LRMDA: variants seen among roughly 807,000 people sequenced by gnomAD.
The protein encoded by LRMDA is leucine-rich melanocyte differentiation-associated protein.
A neutral mutation model predicts 29.8 loss-of-function variants in LRMDA; 18 were observed. The ratio of observed to expected loss-of-function variants is 0.60; its 90% CI spans 0.42 to 0.90. The LOEUF (loss-of-function observed/expected upper bound fraction) is 0.90. Ranked by LOEUF, LRMDA falls within the 40% of genes least tolerant of loss-of-function variation. The pLI is 0.00. For synonymous variants in LRMDA, 125 were observed against 109.4 expected (o/e 1.14, Z -0.89); for missense variants, 273 against 273.9 (o/e 1.00, Z 0.02).
At chr10:75,897,567 CTTAAGGA>C (rs1413076569) in intron 2 of LRMDA, among the ~76,000 whole-genome samples, 1 of 152,058 alleles carries the variant, frequency 6.6e-6, no homozygotes, top group Non-Finnish European at 1.5e-5. Flanking sequence ...TTTAAGGAAA[CTTAAGGA>C]TTATCTAATC....
At chr10:75,905,338 C>T (rs1845741278) in intron 2 of LRMDA, among the ~76,000 whole-genome samples, 1 of 150,324 alleles carries the variant, frequency 6.7e-6, no homozygotes, top group Non-Finnish European at 1.5e-5. Context: ...AAGATTCTCC[C>T]TAAATCAGAC....
At chr10:75,977,482 G>A (rs1467805406) in intron 2 of LRMDA, among the ~76,000 whole-genome samples, 2 of 152,298 alleles carry the variant, frequency 1.3e-5, no homozygotes, top group African/African-American at 2.4e-5. Flanking sequence ...TGAGGGGCAG[G>A]AGCAAAGATT....
intron 2 of LRMDA, among the ~76,000 whole-genome samples, chr10:75,462,272 C>T (rs145248127): frequency 7.9e-5 from 12 of 152,370 alleles, no homozygotes; most frequent in African/African-American, 2.4e-4. Flanking sequence ...TTCGAGCCCA[C>T]ATCTTTTAAG....
At chr10:75,692,584 T>C (rs1347591576) in intron 2 of LRMDA, among the ~76,000 whole-genome samples, 3 of 139,418 alleles carry the variant, frequency 2.2e-5, no homozygotes, top group African/African-American at 9.5e-5. Flanking sequence ...TGTGTGTGTG[T>C]GTGTGTGTGT....
chr10:75,930,354 G>C (rs1179071248), intron 2 of LRMDA, among the ~76,000 whole-genome samples: 1 of 152,126 alleles, frequency 6.6e-6, no homozygotes, highest in Non-Finnish European at 1.5e-5. Flanking sequence ...CGGTGTCTTA[G>C]TTGGAGATGA....
chr10:75,457,708 A>G (rs1354005401), intron 2 of LRMDA, among the ~76,000 whole-genome samples: 1 of 152,140 alleles, frequency 6.6e-6, no homozygotes, highest in Non-Finnish European at 1.5e-5. Context: ...GATATGTTTT[A>G]GTCCTCTTGC....
At chr10:76,347,078 A>G (rs899420797) in intron 6 of LRMDA, among the ~76,000 whole-genome samples, 1 of 152,220 alleles carries the variant, frequency 6.6e-6, no homozygotes, top group Non-Finnish European at 1.5e-5. Context: ...CTGCATCGAC[A>G]GAATTTAGTG....
intron 3 of LRMDA, among the ~76,000 whole-genome samples, chr10:76,043,577 A>G (rs1045381382): frequency 6.6e-6 from 1 of 151,992 alleles, no homozygotes; most frequent in East Asian, 1.9e-4. Flanking sequence ...TCACATGATC[A>G]TGTGACTCTA....
chr10:76,118,840 C>CT (rs962279433), intron 5 of LRMDA, among the ~76,000 whole-genome samples: 2,217 of 45,924 alleles, frequency 0.048, 72 homozygotes, highest in Middle Eastern at 0.11. Context: ...TGCAAATACA[C>CT]TTTTTTTTTT....
intron 6 of LRMDA, among the ~76,000 whole-genome samples, chr10:76,493,508 T>C (rs538508946): frequency 6.6e-6 from 1 of 152,242 alleles, no homozygotes; most frequent in South Asian, 2.1e-4. Flanking sequence ...CTTATTGAAT[T>C]GCCTTGGCAT....
At chr10:75,732,027 G>A (rs1842705538) in intron 2 of LRMDA, among the ~76,000 whole-genome samples, 1 of 152,168 alleles carries the variant, frequency 6.6e-6, no homozygotes, top group South Asian at 2.1e-4. Flanking sequence ...TTTGTTAAAT[G>A]AAATAATAGT....
chr10:76,295,667 C>G (rs1840402848), intron 5 of LRMDA, among the ~76,000 whole-genome samples: 1 of 152,172 alleles, frequency 6.6e-6, no homozygotes, highest in African/African-American at 2.4e-5. Flanking sequence ...CCAATAAGTG[C>G]TAAAAGGACT....
chr10:76,194,302 T>G (rs1428712548), intron 5 of LRMDA, among the ~76,000 whole-genome samples: 2 of 152,176 alleles, frequency 1.3e-5, no homozygotes, highest in African/African-American at 2.4e-5. Context: ...TCCCATGCCC[T>G]TGGAAAATGG....
At chr10:75,438,321 C>G (rs979992162) in intron 1 of LRMDA, 73 bp from the exon 2 acceptor site, 4 of 1,129,522 alleles carry the variant, frequency 3.5e-6, no homozygotes, top group Admixed American at 4.0e-5. Flanking sequence ...ATCATTGGAT[C>G]AGTAATTTCA....
intron 2 of LRMDA, among the ~76,000 whole-genome samples, chr10:75,810,798 G>GCAT (rs1430669738): frequency 6.6e-6 from 1 of 152,238 alleles, no homozygotes; most frequent in Non-Finnish European, 1.5e-5. Flanking sequence ...TGCATCTGGA[G>GCAT]CTTAGAGGAG....
intron 5 of LRMDA, among the ~76,000 whole-genome samples, chr10:76,322,179 A>G (rs1229960056): frequency 6.6e-6 from 1 of 152,196 alleles, no homozygotes; most frequent in Non-Finnish European, 1.5e-5. Flanking sequence ...TAAATTTAAG[A>G]CATTTTCTTG....
At chr10:76,016,460 T>C (rs111296279) in intron 2 of LRMDA, among the ~76,000 whole-genome samples, 82 of 152,330 alleles carry the variant, frequency 5.4e-4, no homozygotes, top group African/African-American at 1.9e-3. Context: ...CCCTTTTCTC[T>C]ATTTTGGCCA....
chr10:75,700,883 T>G (rs981898520), intron 2 of LRMDA, among the ~76,000 whole-genome samples: 1 of 152,082 alleles, frequency 6.6e-6, no homozygotes, highest in Non-Finnish European at 1.5e-5. Flanking sequence ...TCGGCCCAGG[T>G]GTGTTCGATT....
chr10:75,863,385 G>C (rs1340585148), intron 2 of LRMDA, among the ~76,000 whole-genome samples: 3 of 152,136 alleles, frequency 2.0e-5, no homozygotes, highest in African/African-American at 7.2e-5. Context: ...AGCATTCATT[G>C]GCACCCTCAT....
Sources: gnomAD v4.1 joint callset for allele counts (sites outside exome capture counted in the v4.1 genomes callset) on GRCh38, gnomAD v4.1.1 for gene constraint, MANE v1.5 for transcripts, NCBI Gene and HGNC (gene_info 2026-07-23, HGNC 2026-07-21) for gene names.